Variants in TMEM74 observed in about 807,000 individuals in gnomAD.
TMEM74 encodes transmembrane protein 74.
Under a neutral mutation model 18.1 loss-of-function variants are expected in TMEM74, and 13 were observed. That is an observed-to-expected ratio of 0.72 (90% CI 0.47 to 1.14). The LOEUF is 1.14. Ranked by LOEUF, TMEM74 falls within the 50% of genes most tolerant of loss-of-function variation. TMEM74 has a pLI of 0.00. For synonymous variants in TMEM74, 159 were observed against 146.6 expected (o/e 1.08, Z -0.61); for missense variants, 372 against 375.9 (o/e 0.99, Z 0.09).
chr8:108,663,519 T>C (rs1404519456), intron 1 of TMEM74, among the ~76,000 whole-genome samples: 1 of 152,184 alleles, frequency 6.6e-6, no homozygotes, highest in East Asian at 1.9e-4. Context: ...GGTGAGAATG[T>C]AAATTAATTT....
chr8:108,692,797 A>T (rs1257436305), intron 1 of TMEM74, among the ~76,000 whole-genome samples: 1 of 152,176 alleles, frequency 6.6e-6, no homozygotes, highest in African/African-American at 2.4e-5. Flanking sequence ...CATGAATCAC[A>T]TTTGCAATTT....
chr8:108,735,475 G>C (rs769473597), intron 1 of TMEM74, among the ~76,000 whole-genome samples: 3 of 152,086 alleles, frequency 2.0e-5, no homozygotes, highest in Non-Finnish European at 4.4e-5. Flanking sequence ...CAGTTTTTGT[G>C]ACTTGCTTCT....
chr8:108,671,277 G>A (rs1813002267), intron 1 of TMEM74, among the ~76,000 whole-genome samples: 1 of 152,154 alleles, frequency 6.6e-6, no homozygotes, highest in Non-Finnish European at 1.5e-5. Context: ...TTAAATACTA[G>A]CTCAAGCTCC....
intron 2 of TMEM74, among the ~76,000 whole-genome samples, chr8:108,615,188 G>A (rs1335025379): frequency 6.6e-6 from 1 of 152,180 alleles, no homozygotes; most frequent in Non-Finnish European, 1.5e-5. Context: ...CCAGAGGGAC[G>A]GAAGCTACAG....
intron 2 of TMEM74, among the ~76,000 whole-genome samples, chr8:108,617,961 T>A (rs1176420986): frequency 6.6e-6 from 1 of 152,046 alleles, no homozygotes. Context: ...ATGCTAAGAT[T>A]TATAGTGCAG....
intron 1 of TMEM74, among the ~76,000 whole-genome samples, chr8:108,658,126 G>A (rs1241952325): frequency 6.6e-6 from 1 of 151,442 alleles, no homozygotes; most frequent in Non-Finnish European, 1.5e-5. Flanking sequence ...CAAATTATGA[G>A]CTTAAGGCCT....
rs1814333677 is a variant in TMEM74, at chr8:108,783,476, T to C, written c.*705A>G. On this transcript the variant is annotated 3_prime_UTR_variant, in exon 2 of 2. Coordinates refer to ENST00000297459, the MANE Select transcript of TMEM74 (RefSeq NM_153015.3). ...TGACTTCATTTTAAAAAAGAGCCTGTGACCCTGGCTAATATCTGGCACCAA... is the reference window on the plus strand; with the variant it reads ...TGACTTCATTTTAAAAAAGAGCCTGCGACCCTGGCTAATATCTGGCACCAA... 1 of 152,248 alleles carries C rather than the reference T, an allele frequency of 6.6e-6. No individual in the cohort carries two copies. The highest frequency in any genetic ancestry group is 1.5e-5 in the Non-Finnish European group (1 of 68,048). The allele number at this position is 152,248 out of a possible 1,614,324, so 9.4% of individuals were successfully genotyped here. A position where few individuals can be genotyped will look rare whatever the true frequency, so the allele number is the denominator to read the frequency against.
At position 108,782,781 on chromosome 8, in the gene TMEM74, C is replaced by T. The variant is rs1814323723; in HGVS notation, c.*1400G>A. On this transcript the variant is annotated 3_prime_UTR_variant, in exon 2 of 2. Transcript: ENST00000297459. ...GACCCCCTGATCCTGGTAACACAAT[C>T]ATGGAAGTTACAACAACTCTTAGAG... 6.6e-6 allele frequency among the ~76,000 whole-genome samples: 1 copy of T among 152,220 alleles called. No homozygotes were observed. The highest frequency in any genetic ancestry group is 2.4e-5 in the African/African-American group (1 of 41,456).
chr8:108,763,076 T>C (rs1261695028), intron 1 of TMEM74, among the ~76,000 whole-genome samples: 3 of 152,146 alleles, frequency 2.0e-5, no homozygotes, highest in Non-Finnish European at 4.4e-5. Flanking sequence ...CCACAGTCAT[T>C]CCCATATTTC....
chr8:108,659,245 T>C (rs1441275834), intron 1 of TMEM74, among the ~76,000 whole-genome samples: 1 of 21,080 alleles, frequency 4.7e-5, no homozygotes, highest in Admixed American at 4.2e-4. Context: ...CCTTTATAGA[T>C]AGCCCACTAA....
intron 1 of TMEM74, among the ~76,000 whole-genome samples, chr8:108,758,646 G>T (rs1486014944): frequency 6.6e-6 from 1 of 151,922 alleles, no homozygotes; most frequent in Non-Finnish European, 1.5e-5. Context: ...GATCAAAGTG[G>T]TATCATTTAG....
chr8:108,672,060 T>A (rs1282874724), intron 1 of TMEM74, among the ~76,000 whole-genome samples: 2 of 152,170 alleles, frequency 1.3e-5, no homozygotes. Flanking sequence ...TCAGATCTTG[T>A]ACCTGACACT....
intron 1 of TMEM74, among the ~76,000 whole-genome samples, chr8:108,707,614 T>C (rs1056760811): frequency 1.3e-5 from 2 of 152,138 alleles, no homozygotes; most frequent in South Asian, 2.1e-4. Flanking sequence ...CTTCAAAAAA[T>C]TGGGTTGTGA....
At position 108,782,409 on chromosome 8, in the gene TMEM74, CTGA is replaced by C. The variant is rs1235348708; in HGVS notation, c.*1769_*1771del. On this transcript the variant is annotated 3_prime_UTR_variant, in exon 2 of 2. Coordinates refer to ENST00000297459, the MANE Select transcript of TMEM74 (RefSeq NM_153015.3). ...GGCAATTAACTACATCTAGCTTCCT[CTGA>C]TGGCCATATAATTTCTCATTTTTAC... Among the ~76,000 whole-genome samples, 3 of 152,190 alleles carry C rather than the reference CTGA, an allele frequency of 2.0e-5. No homozygotes were observed. Among genetic ancestry groups the C allele is most frequent in the African/African-American group, 4.8e-5 (2 of 41,450 alleles).
At chr8:108,744,272 A>T (rs1189133921) in intron 1 of TMEM74, among the ~76,000 whole-genome samples, 5 of 152,180 alleles carry the variant, frequency 3.3e-5, no homozygotes, top group African/African-American at 1.2e-4. Flanking sequence ...CCTACTCAAA[A>T]TAACCAAAAC....
intron 1 of TMEM74, among the ~76,000 whole-genome samples, chr8:108,669,233 C>G (rs893874076): frequency 6.6e-6 from 1 of 152,092 alleles, no homozygotes; most frequent in Non-Finnish European, 1.5e-5. Flanking sequence ...CTTCCTGACC[C>G]TCAAAGCATT....
intron 1 of TMEM74, among the ~76,000 whole-genome samples, chr8:108,738,282 G>A (rs188313934): frequency 6.6e-6 from 1 of 152,186 alleles, no homozygotes; most frequent in East Asian, 1.9e-4. Context: ...TGTATGATTG[G>A]GGCCTTTTAG....
At chr8:108,735,435 AC>A (rs141031646) in intron 1 of TMEM74, among the ~76,000 whole-genome samples, 3,386 of 152,124 alleles carry the variant, frequency 0.022, 55 homozygotes, top group Middle Eastern at 0.051. Context: ...TCTATTCTGG[AC>A]TTTTATATGA....
chr8:108,660,652 G>T (rs1339271104), intron 1 of TMEM74, among the ~76,000 whole-genome samples: 1 of 152,118 alleles, frequency 6.6e-6, no homozygotes, highest in Non-Finnish European at 1.5e-5. Flanking sequence ...AGATAGTTCT[G>T]CCTTACAGAG....
Sources: allele counts gnomAD v4.1 joint callset (sites outside exome capture counted in the v4.1 genomes callset), GRCh38; gene constraint gnomAD v4.1.1; transcripts MANE v1.5; gene names NCBI Gene and HGNC (gene_info 2026-07-23, HGNC 2026-07-21).